The following SASH1 variants were observed in gnomAD, a reference collection of about 807,000 sequenced individuals.
The protein encoded by SASH1 is SAM and SH3 domain-containing protein 1.
Under a neutral mutation model 125.2 loss-of-function variants are expected in SASH1, and 44 were observed. The ratio of observed to expected loss-of-function variants is 0.35; its 90% CI spans 0.28 to 0.45. The LOEUF is 0.45. Among genes scored for constraint, SASH1 ranks in the 20% least tolerant of loss-of-function variants. The pLI is 1.00. For synonymous variants in SASH1, 639 were observed against 649.1 expected (o/e 0.98, Z 0.24); for missense variants, 1,426 against 1,614.5 (o/e 0.88, Z 2.00).
In SASH1 at chr6:148,546,077, C is replaced by G. The variant is rs144603368; in HGVS notation, c.3411C>G (p.Pro1137=). The change falls in exon 19 of 20, where the codon CCC becomes CCG. Residue 1137 remains proline, a synonymous_variant. Coordinates refer to ENST00000367467, the MANE Select transcript of SASH1 (RefSeq NM_015278.5). The part of the protein sequence containing the change: ...VQRYAEDLDQ[P]ERDVAANMDQ... The stretch of plus-strand genomic sequence containing the variant: ...GATACGCAGAGGACTTGGATCAGCC[C>G]GAGCGGGACGTCGCCGCCAACATGG... 5 of 1,614,128 alleles carry G rather than the reference C, an allele frequency of 3.1e-6. No individual in the cohort carries two copies. The highest frequency in any genetic ancestry group is 4.2e-6 in the Non-Finnish European group (5 of 1,180,052).
intron 8 of SASH1, among the ~76,000 whole-genome samples, chr6:148,503,956 T>C (rs1281993283): frequency 5.3e-5 from 8 of 152,334 alleles, no homozygotes; most frequent in Admixed American, 5.2e-4. Flanking sequence ...ATATATGTCA[T>C]GTGTAGTCAG....
chr6:148,476,452 C>T (rs1331771732), intron 7 of SASH1, among the ~76,000 whole-genome samples: 1 of 152,042 alleles, frequency 6.6e-6, no homozygotes, highest in Non-Finnish European at 1.5e-5. Context: ...GAGGCCGAGG[C>T]GGACAGATCA....
At chr6:148,290,528 C>T (rs562075466) in intron 1 of SASH1, among the ~76,000 whole-genome samples, 1 of 152,128 alleles carries the variant, frequency 6.6e-6, no homozygotes, top group South Asian at 2.1e-4. Context: ...ATGGTGTGAA[C>T]CCGGGAGGCG....
chr6:148,433,406 C>CTTTTTTT (rs5880780), intron 2 of SASH1, among the ~76,000 whole-genome samples: 52 of 127,978 alleles, frequency 4.1e-4, no homozygotes, highest in Non-Finnish European at 6.5e-4. Flanking sequence ...TTTCTTTTTT[C>CTTTTTTT]TTTTTTTTTT....
the SASH1 span, among the ~76,000 whole-genome samples, chr6:148,238,575 T>C: frequency 6.6e-6 from 1 of 151,900 alleles, no homozygotes; most frequent in Non-Finnish European, 1.5e-5. Flanking sequence ...TTTTAGTCAT[T>C]ATATCTTACC....
chr6:148,401,936 T>C (rs1028626752), intron 2 of SASH1, among the ~76,000 whole-genome samples: 24 of 152,202 alleles, frequency 1.6e-4, no homozygotes, highest in African/African-American at 4.8e-4. Context: ...TGTGGGTTTC[T>C]TTTCTCCGAG....
At chr6:148,488,712 C>T (rs949142213) in intron 8 of SASH1, among the ~76,000 whole-genome samples, 43 of 152,160 alleles carry the variant, frequency 2.8e-4, no homozygotes, top group African/African-American at 9.2e-4. Flanking sequence ...AATGGTATCT[C>T]GTGATTTTGA....
At chr6:148,545,323 G>A (rs2115461311) in intron 18 of SASH1, among the ~76,000 whole-genome samples, 1 of 152,310 alleles carries the variant, frequency 6.6e-6, no homozygotes, top group African/African-American at 2.4e-5. Context: ...CTATTAGGAT[G>A]CATTCCTGAG....
At chr6:148,524,700 T>C (rs1781030799) in intron 10 of SASH1, 1 of 152,256 alleles carries the variant, frequency 6.6e-6, no homozygotes, top group African/African-American at 2.4e-5. Flanking sequence ...ACCAGCGTTT[T>C]TGGCTAGGAT....
chr6:148,537,354 G>A (rs528856771), intron 16 of SASH1, among the ~76,000 whole-genome samples: 6 of 152,232 alleles, frequency 3.9e-5, no homozygotes, highest in East Asian at 1.9e-4. Context: ...TATTCCTTAC[G>A]CCAAGCCCAG....
At position 148,544,276 on chromosome 6, in the gene SASH1, C is replaced by G; in HGVS notation, c.2806C>G (p.Pro936Ala). ...QCLPRNYDAQ[P>A]PGAKHGLART... Reference sequence around the variant, plus strand: ...TTTGCCCAGAAACTATGATGCTCAGCCTCCTGGAGCTAAACACGGTTTAGC... The same window carrying G: ...TTTGCCCAGAAACTATGATGCTCAGGCTCCTGGAGCTAAACACGGTTTAGC... The change falls in exon 18 of 20, where the codon CCT becomes GCT. Residue 936 changes from proline to alanine, a missense_variant. Transcript: ENST00000367467. This position sits in a 1 kb window ranked among gnomAD's most constrained non-coding sequence, Gnocchi z 6.4. 1 of 1,614,130 alleles carries G rather than the reference C, an allele frequency of 6.2e-7. No homozygotes were observed. The highest frequency in any genetic ancestry group is 8.5e-7 in the Non-Finnish European group (1 of 1,180,040).
intron 1 of SASH1, among the ~76,000 whole-genome samples, chr6:148,352,008 T>A (rs1022374750): frequency 2.0e-5 from 3 of 151,380 alleles, no homozygotes; most frequent in African/African-American, 4.9e-5. Context: ...CCCAGTCTTT[T>A]AAAAAAAAAG....
chr6:148,496,100 G>A (rs568400664), intron 8 of SASH1, among the ~76,000 whole-genome samples: 9 of 151,772 alleles, frequency 5.9e-5, no homozygotes, highest in Admixed American at 1.3e-4. Flanking sequence ...CGCCTGCCTC[G>A]GCCTCCCAAA....
At chr6:148,282,993 C>T (rs918742194) in intron 1 of SASH1, among the ~76,000 whole-genome samples, 2 of 152,160 alleles carry the variant, frequency 1.3e-5, no homozygotes, top group South Asian at 4.1e-4. Context: ...GTCAGGAATA[C>T]ATCCATGTAT....
chr6:148,527,074 G>C (rs550082454), intron 11 of SASH1, among the ~76,000 whole-genome samples: 1 of 147,384 alleles, frequency 6.8e-6, no homozygotes, highest in South Asian at 2.1e-4. Flanking sequence ...GGGTTTCACC[G>C]TGTTAGTCAG....
At chr6:148,277,871 C>G (rs1276473595) in intron 1 of SASH1, among the ~76,000 whole-genome samples, 1 of 151,860 alleles carries the variant, frequency 6.6e-6, no homozygotes, top group Non-Finnish European at 1.5e-5. Context: ...CGCGCGCCAC[C>G]AAGCCCAGCT....
At position 148,519,578 on chromosome 6, in the gene SASH1, G is replaced by T; in HGVS notation, c.894G>T (p.Pro298=). Residue 298 remains proline (P), a synonymous_variant, in exon 10 of 20, where the codon CCG becomes CCT. Transcript: ENST00000367467. This position sits in a 1 kb window ranked among gnomAD's most constrained non-coding sequence, Gnocchi z 4.8. Reference sequence around the variant, plus strand: ...AGGAGCACGTGTTTGAGAATTCGCCGGTCCTGGATGAACGGTCCGCCCTCT... The same window carrying T: ...AGGAGCACGTGTTTGAGAATTCGCCTGTCCTGGATGAACGGTCCGCCCTCT... ...GGEEHVFENS[P]VLDERSALYS... is the part of the protein sequence containing the mutation. The T allele has an allele frequency of 6.2e-7, 1 of 1,614,008 alleles. No individual in the cohort carries two copies. Among genetic ancestry groups the T allele is most frequent in the South Asian group, 1.1e-5 (1 of 91,080 alleles).
At chr6:148,525,189 T>C (rs1212505751) in intron 10 of SASH1, 102 bp from the exon 11 acceptor site, 1 of 789,230 alleles carries the variant, frequency 1.3e-6, no homozygotes. Context: ...TCCACGTATT[T>C]GTGATTCAGA....
At chr6:148,479,590 C>A in intron 7 of SASH1, 1 of 157,778 alleles carries the variant, frequency 6.3e-6, no homozygotes, top group South Asian at 2.0e-4. Context: ...GTGTGAAGCT[C>A]TTTCTGAGCT....
Sources: gnomAD v4.1 joint callset for allele counts (sites outside exome capture counted in the v4.1 genomes callset) on GRCh38, gnomAD v4.1.1 for gene constraint, Gnocchi (gnomAD v3.1) non-coding constraint, MANE v1.5 for transcripts, NCBI Gene and HGNC (gene_info 2026-07-23, HGNC 2026-07-21) for gene names.